The following HMCN2 variants were observed in gnomAD, a reference collection of about 807,000 sequenced individuals.
The protein encoded by HMCN2 is hemicentin-2.
A neutral mutation model predicts 377.5 loss-of-function variants in HMCN2; 325 were observed. The ratio of observed to expected loss-of-function variants is 0.86; its 90% CI spans 0.79 to 0.94. HMCN2 has a LOEUF of 0.94. Ranked by LOEUF, HMCN2 falls within the 40% of genes least tolerant of loss-of-function variation. The pLI is 0.00. For synonymous variants in HMCN2, 2,007 were observed against 2,046.8 expected (o/e 0.98, Z 0.53); for missense variants, 4,543 against 4,725.3 (o/e 0.96, Z 1.13).
In HMCN2 at chr9:130,351,642, C is replaced by T. The variant is rs1327959154; in HGVS notation, c.4585+65C>T. 7 of 1,245,752 alleles carry T rather than the reference C, an allele frequency of 5.6e-6. No individual in the cohort carries two copies. Among genetic ancestry groups the T allele is most frequent in the Admixed American group, 4.9e-5 (2 of 41,212 alleles). 77.2% of individuals were successfully genotyped at this position (1,245,752 alleles called of 1,614,324 possible). A position where few individuals can be genotyped will look rare whatever the true frequency, so the allele number is the denominator to read the frequency against. ...TCAGGAAGCTTCCCACCCAGCTGCC[C>T]GCTGCCTTAGAGGGAGAGTGAGGGC... On this transcript the variant is annotated intron_variant, in intron 30 of 97. Transcript: ENST00000683500. This position sits in a 1 kb window ranked among gnomAD's most constrained non-coding sequence, Gnocchi z 5.4.
In HMCN2 at chr9:130,358,378, C is replaced by T. The variant is rs771445176; in HGVS notation, c.5581-12C>T. The T allele has an allele frequency of 4.6e-6, 6 of 1,304,120 alleles. No homozygotes were observed. In the South Asian group the frequency reaches 4.9e-5, roughly 11 times the overall value. 80.8% of individuals were successfully genotyped at this position (1,304,120 alleles called of 1,614,324 possible). On this transcript the variant is annotated splice_polypyrimidine_tract_variant and intron_variant, in intron 35 of 97. Coordinates refer to ENST00000683500, the MANE Select transcript of HMCN2 (RefSeq NM_001291815.2). The stretch of plus-strand genomic sequence containing the variant: ...CAGCCCTGTGGCATACTCTCTGCCC[C>T]CTCCCCTCCAGATTGAGAAGGTGGA...
chr9:130,320,936 G>C (rs1036776301), intron 18 of HMCN2, 33 bp downstream of exon 18: 1 of 152,302 alleles, frequency 6.6e-6, no homozygotes, highest in African/African-American at 2.4e-5. Flanking sequence ...TGCGGTGGGC[G>C]GTGGCACCTG....
chr9:130,337,387 G>T (rs1189295493), intron 22 of HMCN2, among the ~76,000 whole-genome samples: 1 of 152,132 alleles, frequency 6.6e-6, no homozygotes, highest in Non-Finnish European at 1.5e-5. Flanking sequence ...CAGACCAGAG[G>T]GCCTCAGGGC....
In HMCN2 at chr9:130,286,233, G is replaced by A. The variant is rs782766011; in HGVS notation, c.535G>A (p.Gly179Ser). The A allele has an allele frequency of 1.1e-5, 5 of 470,952 alleles. No individual in the cohort carries two copies. Among genetic ancestry groups the A allele is most frequent in the Admixed American group, 7.0e-5 (3 of 42,566 alleles). 29.2% of individuals were successfully genotyped at this position (470,952 alleles called of 1,614,324 possible). The change falls in exon 4 of 98, where the codon GGC (glycine) becomes AGC (serine). Residue 179 changes from glycine (G) to serine (S), a missense_variant. Gly to Ser is a moderately conservative substitution (Grantham distance 56). This residue lies in a region of HMCN2 where 547 missense variants were observed against 189.9 expected (regional missense o/e 2.88). Coordinates refer to ENST00000683500, the MANE Select transcript of HMCN2 (RefSeq NM_001291815.2). ...TGDCGDRTHPGYLAYEEIAAT... is the reference protein window; with the variant it reads ...TGDCGDRTHPSYLAYEEIAAT... ...GGACTGTGGCGACCGCACCCATCCT[G>A]GCTACCTGGCTTATGAGGAGATCGC...
intron 45 of HMCN2, 96 bp from the exon 46 acceptor site, chr9:130,370,868 G>T: frequency 1.4e-6 from 1 of 718,682 alleles, no homozygotes; most frequent in Non-Finnish European, 1.7e-6. Context: ...TCTCCCAATT[G>T]GGTGGAGTTG....
At chr9:130,417,111 C>T (rs1257996327) in intron 85 of HMCN2, among the ~76,000 whole-genome samples, 1 of 150,580 alleles carries the variant, frequency 6.6e-6, no homozygotes, top group East Asian at 2.0e-4. Context: ...TAGGGTTTCA[C>T]CATGTTGGCC....
chr9:130,363,096 A>G, intron 40 of HMCN2, 106 bp downstream of exon 40: 1 of 892,420 alleles, frequency 1.1e-6, no homozygotes, highest in South Asian at 5.2e-5. Context: ...TGGATGGAGG[A>G]GTGTCCACCT....
chr9:130,340,894 A>G (rs1471797021), intron 23 of HMCN2, among the ~76,000 whole-genome samples: 1 of 152,182 alleles, frequency 6.6e-6, no homozygotes, highest in African/African-American at 2.4e-5. Flanking sequence ...CTAAGGGTTG[A>G]GTCTTTCAGG....
chr9:130,409,851 C>A (rs12000171), intron 84 of HMCN2, among the ~76,000 whole-genome samples: 2,653 of 152,254 alleles, frequency 0.017, 97 homozygotes, highest in African/African-American at 0.06. Context: ...CTATCCCCCC[C>A]AGTCCCTTGG....
Position 130,357,938 on chromosome 9 carries a change from C to T in HMCN2, c.5530C>T (p.Arg1844Cys), listed in dbSNP as rs543688610. ...IGDGVPTPSL[R>C]WWKDGVALAA... is the part of the protein sequence containing the mutation. ...GGATGGGGTGCCCACCCCAAGCCTC[C>T]GTTGGTGGAAGGATGGTGTAGCCCT... is the stretch of plus-strand genomic sequence containing the variant. Residue 1844 changes from arginine (R) to cysteine (C), a missense_variant, in exon 35 of 98, where the codon CGT becomes TGT. Physicochemically the swap from Arg to Cys is radical, Grantham distance 180. Around this residue, in one of 5 missense-constraint regions of HMCN2, gnomAD observed 1,032 missense variants for 1,285.1 expected, o/e 0.80. Coordinates refer to ENST00000683500, the MANE Select transcript of HMCN2 (RefSeq NM_001291815.2). 3.3e-4 allele frequency: 436 copies of T among 1,304,176 alleles called. 3 individuals carry two copies. The South Asian group carries it at 4.7e-3, about 14-fold the overall frequency. 80.8% of individuals were successfully genotyped at this position (1,304,176 alleles called of 1,614,324 possible). A position where few individuals can be genotyped will look rare whatever the true frequency, so the allele number is the denominator to read the frequency against.
Position 130,306,904 on chromosome 9 carries a change from C to T in HMCN2, c.2052C>T (p.Gly684=). Residue 684 remains glycine (G), a synonymous_variant, in exon 13 of 98, where the codon GGC becomes GGT. Coordinates refer to ENST00000683500, the MANE Select transcript of HMCN2 (RefSeq NM_001291815.2). ...GCTGCCAGGCGACTAATGAGGTTGG[C>T]ACTGACCAGGAGACGGTCACCCTCT... is the stretch of plus-strand genomic sequence containing the variant. The part of the protein sequence containing the change: ...NYSCQATNEV[G]TDQETVTLYY... 2.1e-6 allele frequency: 1 copy of T among 470,926 alleles called. No homozygotes were observed. Among genetic ancestry groups the T allele is most frequent in the Non-Finnish European group, 4.4e-6 (1 of 226,950 alleles). The allele number at this position is 470,926 out of a possible 1,614,324, so 29.2% of individuals were successfully genotyped here. A position where few individuals can be genotyped will look rare whatever the true frequency, so the allele number is the denominator to read the frequency against.
Position 130,304,211 on chromosome 9 carries a change from GT to G in HMCN2, c.1544-512del, listed in dbSNP as rs1221583513. 2.6e-5 allele frequency among the ~76,000 whole-genome samples: 4 copies of G among 152,030 alleles called. No individual in the cohort carries two copies. The highest frequency in any genetic ancestry group is 5.9e-5 in the Non-Finnish European group (4 of 67,990). On this transcript the variant is annotated intron_variant, in intron 10 of 97. Coordinates refer to ENST00000683500, the MANE Select transcript of HMCN2 (RefSeq NM_001291815.2). This position sits in a 1 kb window ranked among gnomAD's most constrained non-coding sequence, Gnocchi z 4.3. ...TGCCATTTGATTTACTCCCTTTTAGGTTTTTTTCTATGTTCAGCAGTCTCTG... is the reference window on the plus strand; with the variant it reads ...TGCCATTTGATTTACTCCCTTTTAGGTTTTTTCTATGTTCAGCAGTCTCTG...
chr9:130,392,932 C>G (rs1319212178), intron 66 of HMCN2, among the ~76,000 whole-genome samples: 1 of 151,652 alleles, frequency 6.6e-6, no homozygotes. Context: ...GGAGGCGGAG[C>G]TTGCAGTGAG....
chr9:130,410,464 A>C, intron 84 of HMCN2, 107 bp from the exon 85 acceptor site: 1 of 980,430 alleles, frequency 1.0e-6, no homozygotes, highest in Non-Finnish European at 1.6e-6. Flanking sequence ...GCTGGTTCAC[A>C]GCCTAAGCCC....
chr9:130,428,051 T>C lies in HMCN2; in HGVS notation c.14066-307T>C, dbSNP rs1844494907. Reference sequence around the variant, plus strand: ...TGACCCCCAGTCTGCATCCCTGCACTCCCACCGGGAGGGCCTGGTGCTGCC... The same window carrying C: ...TGACCCCCAGTCTGCATCCCTGCACCCCCACCGGGAGGGCCTGGTGCTGCC... On this transcript the variant is annotated intron_variant, in intron 92 of 97. Coordinates refer to ENST00000683500, the MANE Select transcript of HMCN2 (RefSeq NM_001291815.2). The surrounding 1 kb of genome is among the most constrained non-coding windows in gnomAD (Gnocchi z 5.0). Among the ~76,000 whole-genome samples, 2 of 152,104 alleles carry C rather than the reference T, an allele frequency of 1.3e-5. No homozygotes were observed. Among genetic ancestry groups the C allele is most frequent in the Non-Finnish European group, 2.9e-5 (2 of 68,012 alleles).
At chr9:130,350,815 A>C (rs1839673585) in intron 29 of HMCN2, among the ~76,000 whole-genome samples, 1 of 151,842 alleles carries the variant, frequency 6.6e-6, no homozygotes, top group Non-Finnish European at 1.5e-5. Context: ...CCGAGGCAGG[A>C]GAATCACTTG....
At chr9:130,291,544 TA>T (rs1187882581) in intron 4 of HMCN2, among the ~76,000 whole-genome samples, 2 of 152,190 alleles carry the variant, frequency 1.3e-5, no homozygotes, top group Admixed American at 6.5e-5. Flanking sequence ...TTTACTTTAA[TA>T]AAAAATTACT....
chr9:130,298,731 G>A (rs199629825), intron 7 of HMCN2, among the ~76,000 whole-genome samples: 1 of 152,278 alleles, frequency 6.6e-6, no homozygotes, highest in South Asian at 2.1e-4. Context: ...AATGGGGTGG[G>A]GGACAGTTCT....
chr9:130,378,282 G>A (rs1197198437), intron 53 of HMCN2, among the ~76,000 whole-genome samples: 1 of 148,252 alleles, frequency 6.7e-6, no homozygotes, highest in Non-Finnish European at 1.5e-5. Context: ...GGGAGTCAGA[G>A]AAGCTGGGAG....
Sources: gnomAD v4.1 joint callset for allele counts (sites outside exome capture counted in the v4.1 genomes callset) on GRCh38, gnomAD v4.1.1 for gene constraint, gnomAD v4.1.1 regional missense constraint, Gnocchi (gnomAD v3.1) non-coding constraint, MANE v1.5 for transcripts, NCBI Gene and HGNC (gene_info 2026-07-23, HGNC 2026-07-21) for gene names.